The following LRFN5 variants were observed in gnomAD, a reference collection of about 807,000 sequenced individuals.
LRFN5 encodes leucine rich repeat and fibronectin type III domain containing 5.
In LRFN5, 24 loss-of-function variants were observed where a neutral mutation model predicts 45.6. The observed-to-expected ratio is 0.53, with a 90% CI of 0.38 to 0.74. The LOEUF is 0.74. Ranked by LOEUF, LRFN5 falls within the 30% of genes least tolerant of loss-of-function variation. LRFN5 has a pLI of 0.00. For missense variants in LRFN5, 776 were observed against 861.5 expected, an observed-to-expected ratio of 0.90 and a Z score of 1.24; for synonymous variants, 340 against 313.8, an observed-to-expected ratio of 1.08 and a Z score of -0.88.
chr14:41,837,340 C>A (rs1467078174), intron 2 of LRFN5, among the ~76,000 whole-genome samples: 2 of 152,090 alleles, frequency 1.3e-5, no homozygotes, highest in Non-Finnish European at 2.9e-5. Flanking sequence ...CACTGCTCTG[C>A]CCCTGTGGTG....
chr14:41,757,424 C>A (rs553209900), intron 1 of LRFN5, among the ~76,000 whole-genome samples: 1 of 152,138 alleles, frequency 6.6e-6, no homozygotes, highest in Non-Finnish European at 1.5e-5. Flanking sequence ...TCTTCCTGGC[C>A]GCTTTGTTTA....
chr14:41,742,292 TGAA>T (rs1406064346), intron 1 of LRFN5, among the ~76,000 whole-genome samples: 1 of 142,184 alleles, frequency 7.0e-6, no homozygotes, highest in African/African-American at 2.6e-5. Context: ...AAAAGATTAA[TGAA>T]GAAAATGTGG....
At chr14:41,863,570 A>T (rs1889740102) in intron 2 of LRFN5, among the ~76,000 whole-genome samples, 1 of 152,220 alleles carries the variant, frequency 6.6e-6, no homozygotes, top group African/African-American at 2.4e-5. Context: ...ACACAAATGC[A>T]TATTTTATAG....
intron 5 of LRFN5, among the ~76,000 whole-genome samples, chr14:41,899,174 A>C (rs1891031777): frequency 6.6e-6 from 1 of 152,150 alleles, no homozygotes; most frequent in Non-Finnish European, 1.5e-5. Flanking sequence ...TTAACTAAAC[A>C]TCTCTGCTTT....
At chr14:41,682,310 T>G (rs1045123796) in intron 1 of LRFN5, among the ~76,000 whole-genome samples, 2 of 151,848 alleles carry the variant, frequency 1.3e-5, no homozygotes, top group Admixed American at 1.3e-4. Context: ...GACAGTATAA[T>G]AAGATACAAA....
At chr14:41,714,290 T>C (rs1883399841) in intron 1 of LRFN5, among the ~76,000 whole-genome samples, 1 of 152,190 alleles carries the variant, frequency 6.6e-6, no homozygotes, top group Non-Finnish European at 1.5e-5. Context: ...GCTGCCCACA[T>C]AAATTTGGTC....
At chr14:41,901,986 G>A (rs991452277) in intron 5 of LRFN5, among the ~76,000 whole-genome samples, 4 of 151,892 alleles carry the variant, frequency 2.6e-5, no homozygotes, top group Non-Finnish European at 5.9e-5. Flanking sequence ...TTTAAAAAAG[G>A]AGAGCCTTTG....
At chr14:41,729,311 T>A (rs1884069047) in intron 1 of LRFN5, among the ~76,000 whole-genome samples, 3 of 152,100 alleles carry the variant, frequency 2.0e-5, no homozygotes, top group Admixed American at 2.0e-4. Flanking sequence ...TTCTCTCTCT[T>A]GCTCCCATTC....
intron 2 of LRFN5, among the ~76,000 whole-genome samples, chr14:41,810,768 T>C (rs1323506081): frequency 1.3e-5 from 2 of 152,048 alleles, no homozygotes; most frequent in Non-Finnish European, 2.9e-5. Flanking sequence ...AATTAAGATA[T>C]CAATAACACA....
intron 1 of LRFN5, among the ~76,000 whole-genome samples, chr14:41,707,215 A>G (rs1347553184): frequency 2.0e-5 from 3 of 152,214 alleles, no homozygotes; most frequent in Non-Finnish European, 4.4e-5. Flanking sequence ...GCAAGAATAT[A>G]CATTAGGAGG....
At chr14:41,885,993 C>A (rs555644941) in intron 2 of LRFN5, among the ~76,000 whole-genome samples, 1 of 129,926 alleles carries the variant, frequency 7.7e-6, no homozygotes, top group East Asian at 2.2e-4. Flanking sequence ...TGCACTGCAG[C>A]CTGGGCAACA....
At chr14:41,858,945 A>AAT (rs1204607198) in intron 2 of LRFN5, among the ~76,000 whole-genome samples, 1 of 152,176 alleles carries the variant, frequency 6.6e-6, no homozygotes, top group East Asian at 1.9e-4. Context: ...GCCCTGGAGT[A>AAT]ATGGTCTATG....
chr14:41,665,620 T>C (rs1880859343), intron 1 of LRFN5, among the ~76,000 whole-genome samples: 1 of 152,070 alleles, frequency 6.6e-6, no homozygotes, highest in African/African-American at 2.4e-5. Flanking sequence ...TAAACTTTAC[T>C]ATAATAGTAT....
intron 1 of LRFN5, chr14:41,733,430 C>T (rs1884268418): frequency 6.6e-6 from 1 of 151,722 alleles, no homozygotes; most frequent in Admixed American, 6.6e-5. Flanking sequence ...AAAAAAATAT[C>T]AACCAAGACT....
intron 2 of LRFN5, among the ~76,000 whole-genome samples, chr14:41,768,624 G>A (rs1249778974): frequency 3.3e-5 from 5 of 152,048 alleles, no homozygotes; most frequent in African/African-American, 9.7e-5. Context: ...AGCCTGAGGC[G>A]ACTGTGAAAA....
Position 41,900,030 on chromosome 14 carries a change from C to T in LRFN5, c.2142+1070C>T, listed in dbSNP as rs563537843. Among the ~76,000 whole-genome samples, 6 of 152,184 alleles carry T rather than the reference C, an allele frequency of 3.9e-5. No individual in the cohort carries two copies. In the South Asian group the frequency reaches 1.0e-3, roughly 26 times the overall value. ...AATTTTAACATTTCTTCTTATTTCT[C>T]TTTCCATCTCTCTCTCTCTACCCAT... is the stretch of plus-strand genomic sequence containing the variant. On this transcript the variant is annotated intron_variant, in intron 5 of 5. Coordinates refer to ENST00000298119, the MANE Select transcript of LRFN5 (RefSeq NM_152447.5).
At chr14:41,725,935 T>C (rs988585272) in intron 1 of LRFN5, among the ~76,000 whole-genome samples, 1 of 152,220 alleles carries the variant, frequency 6.6e-6, no homozygotes, top group African/African-American at 2.4e-5. Context: ...TCAAAGTGTT[T>C]ACCTCTTATC....
chr14:41,718,245 A>G (rs1464998843), intron 1 of LRFN5, among the ~76,000 whole-genome samples: 1 of 152,184 alleles, frequency 6.6e-6, no homozygotes, highest in Admixed American at 6.5e-5. Flanking sequence ...TCTATTTGTA[A>G]TGCCTGACAA....
Position 41,904,414 on chromosome 14 carries a change from T to TA in LRFN5, c.*245dup, listed in dbSNP as rs951512961. 97 of 427,708 alleles carry TA rather than the reference T, an allele frequency of 2.3e-4. No homozygotes were observed. Among genetic ancestry groups the TA allele is most frequent in the African/African-American group, 1.4e-3 (68 of 48,696 alleles). 26.5% of individuals were successfully genotyped at this position (427,708 alleles called of 1,614,324 possible). A position where few individuals can be genotyped will look rare whatever the true frequency, so the allele number is the denominator to read the frequency against. On this transcript the variant is annotated 3_prime_UTR_variant, in exon 6 of 6. Coordinates refer to ENST00000298119, the MANE Select transcript of LRFN5 (RefSeq NM_152447.5). ...TTCTGGCCTACAAGTATTTTTTTTTTAAAAAAGAAAAAAAGCCTACATTGG... is the reference window on the plus strand; with the variant it reads ...TTCTGGCCTACAAGTATTTTTTTTTTAAAAAAAGAAAAAAAGCCTACATTGG...
Sources: allele counts gnomAD v4.1 joint callset (sites outside exome capture counted in the v4.1 genomes callset), GRCh38; gene constraint gnomAD v4.1.1; transcripts MANE v1.5; gene names NCBI Gene and HGNC (gene_info 2026-07-23, HGNC 2026-07-21).